GDA: variants seen among roughly 807,000 people sequenced by gnomAD.
GDA encodes cytoplasmic PSD-95 interactor.
A neutral mutation model predicts 59.6 loss-of-function variants in GDA; 18 were observed. The observed-to-expected ratio is 0.30, with a 90% confidence interval of 0.21 to 0.45. The LOEUF (loss-of-function observed/expected upper bound fraction) is 0.45, where lower values mean the gene tolerates loss of function less well. GDA is among the 20% of genes least tolerant of loss of function. The pLI is 1.00. For missense variants in GDA, 427 were observed against 552.3 expected, an observed-to-expected ratio of 0.77 and a Z score of 2.27; for synonymous variants, 201 against 201.1, an observed-to-expected ratio of 1.00 and a Z score of 0.00.
At chr9:72,181,170 G>T (rs577050238) in intron 1 of GDA, among the ~76,000 whole-genome samples, 1 of 151,902 alleles carries the variant, frequency 6.6e-6, no homozygotes, top group South Asian at 2.1e-4. Flanking sequence ...TAACTCATTG[G>T]GTAAAGAAAG....
At chr9:72,177,567 AT>A (rs748802753) in intron 1 of GDA, among the ~76,000 whole-genome samples, 1 of 152,168 alleles carries the variant, frequency 6.6e-6, no homozygotes, top group Non-Finnish European at 1.5e-5. Flanking sequence ...GAGGATTAAA[AT>A]ACTTTTGCAA....
intron 6 of GDA, among the ~76,000 whole-genome samples, chr9:72,220,504 T>C (rs1232977505): frequency 2.6e-5 from 4 of 152,192 alleles, no homozygotes; most frequent in Non-Finnish European, 5.9e-5. Flanking sequence ...TTAAGTTCAC[T>C]AAGCTTTTAG....
chr9:72,179,490 T>G (rs1830921844), intron 1 of GDA, among the ~76,000 whole-genome samples: 1 of 152,202 alleles, frequency 6.6e-6, no homozygotes, highest in Non-Finnish European at 1.5e-5. Flanking sequence ...AGAATCTTGA[T>G]CCTTCAGTAA....
chr9:72,247,470 A>G (rs1294853210), intron 13 of GDA, 37 bp downstream of exon 13: 1 of 1,126,642 alleles, frequency 8.9e-7, no homozygotes, highest in South Asian at 1.3e-5. Flanking sequence ...AATATTAAAT[A>G]GAACCTTTCC....
chr9:72,244,295 A>G (rs937499418), intron 11 of GDA, among the ~76,000 whole-genome samples: 1 of 152,172 alleles, frequency 6.6e-6, no homozygotes, highest in African/African-American at 2.4e-5. Context: ...GCTTTAAGGA[A>G]CTTTAGAGCC....
At chr9:72,223,693 T>C (rs1837193725) in intron 7 of GDA, among the ~76,000 whole-genome samples, 1 of 152,250 alleles carries the variant, frequency 6.6e-6, no homozygotes, top group African/African-American at 2.4e-5. Flanking sequence ...ATCCCTTTTG[T>C]TCTGAGTTTC....
At chr9:72,146,260 G>T (rs1826629635), upstream of GDA, among the ~76,000 whole-genome samples, 1 of 152,084 alleles carries the variant, frequency 6.6e-6, no homozygotes, top group Non-Finnish European at 1.5e-5. Flanking sequence ...GGAGAGTGGA[G>T]GTAGCCAAGC....
In GDA at chr9:72,250,571, A is replaced by G; in HGVS notation, c.*2229A>G. 1 of 1,471,856 alleles carries G rather than the reference A, an allele frequency of 6.8e-7. No homozygotes were observed. Among genetic ancestry groups the G allele is most frequent in the Non-Finnish European group, 8.9e-7 (1 of 1,118,902 alleles). The allele number at this position is 1,471,856 out of a possible 1,614,324, so 91.2% of individuals were successfully genotyped here. On this transcript the variant is annotated 3_prime_UTR_variant, in exon 14 of 14. Transcript: ENST00000358399. ...TATTTCTCCAAGTGCGGTGTTCCTGAATGTTATGTATGCTTTTTTTTCTGT... is the reference window on the plus strand; with the variant it reads ...TATTTCTCCAAGTGCGGTGTTCCTGGATGTTATGTATGCTTTTTTTTCTGT...
At chr9:72,127,636 CAA>C (rs369132489) in intron 1 of GDA, among the ~76,000 whole-genome samples, 162 of 120,808 alleles carry the variant, frequency 1.3e-3, no homozygotes, top group Admixed American at 1.8e-3. Context: ...GACTCTGTCT[CAA>C]AAAAAAAAAA....
At chr9:72,230,983 G>A in intron 9 of GDA, 131 bp from the exon 10 acceptor site, 4 of 700,482 alleles carry the variant, frequency 5.7e-6, no homozygotes, top group Non-Finnish European at 7.9e-6. Context: ...TGACTAATAT[G>A]TTTGTGTCAA....
intron 1 of GDA, among the ~76,000 whole-genome samples, chr9:72,127,482 CA>C (rs2130600758): frequency 6.6e-6 from 1 of 151,838 alleles, no homozygotes; most frequent in South Asian, 2.1e-4. Flanking sequence ...ACTAAAAAGA[CA>C]AAAATTAGTT....
chr9:72,120,019 A>G (rs1825607996), intron 1 of GDA, among the ~76,000 whole-genome samples: 1 of 152,198 alleles, frequency 6.6e-6, no homozygotes, highest in Non-Finnish European at 1.5e-5. Context: ...TTAACCTTGT[A>G]TAGCCCATAA....
At chr9:72,127,775 A>G (rs1199826217) in intron 1 of GDA, among the ~76,000 whole-genome samples, 1 of 152,194 alleles carries the variant, frequency 6.6e-6, no homozygotes, top group Non-Finnish European at 1.5e-5. Context: ...GTGAGGATCA[A>G]ATGAAATAAT....
chr9:72,211,885 CA>C (rs1260087705), intron 4 of GDA, among the ~76,000 whole-genome samples: 1 of 151,968 alleles, frequency 6.6e-6, no homozygotes, highest in African/African-American at 2.4e-5. Flanking sequence ...ACCAAAGACT[CA>C]AAAAAGGTTC....
At position 72,227,938 on chromosome 9, in the gene GDA, T is replaced by G. The variant is rs1564135035; in HGVS notation, c.823-5T>G. 1 of 1,555,178 alleles carries G rather than the reference T, an allele frequency of 6.4e-7. No individual in the cohort carries two copies. The highest frequency in any genetic ancestry group is 8.9e-7 in the Non-Finnish European group (1 of 1,127,836). Reference sequence around the variant, plus strand: ...AAACTCCACGTAGGGCACTCTTCTCTCCAGACAGTGATGGCACACGGCTGC... The same window carrying G: ...AAACTCCACGTAGGGCACTCTTCTCGCCAGACAGTGATGGCACACGGCTGC... On this transcript the variant is annotated splice_region_variant and splice_polypyrimidine_tract_variant and intron_variant, in intron 8 of 13. Coordinates refer to ENST00000358399, the MANE Select transcript of GDA (RefSeq NM_004293.5).
intron 1 of GDA, among the ~76,000 whole-genome samples, chr9:72,116,384 G>T (rs1281057299): frequency 1.8e-5 from 2 of 113,538 alleles, no homozygotes; most frequent in African/African-American, 6.3e-5. Flanking sequence ...AGTTTCCCCA[G>T]CCTTTTTTTT....
At chr9:72,225,570 C>T in intron 7 of GDA, 107 bp from the exon 8 acceptor site, 1 of 629,258 alleles carries the variant, frequency 1.6e-6, no homozygotes, top group South Asian at 2.3e-5. Flanking sequence ...CTATGTGGTC[C>T]CTTAAATAGG....
intron 1 of GDA, among the ~76,000 whole-genome samples, chr9:72,171,232 A>G (rs1489927652): frequency 1.3e-5 from 2 of 152,222 alleles, no homozygotes; most frequent in Non-Finnish European, 1.5e-5. Context: ...TGACCTTGCT[A>G]TAGCAACAAC....
intron 1 of GDA, among the ~76,000 whole-genome samples, chr9:72,132,521 T>C (rs987451206): frequency 6.6e-6 from 1 of 152,184 alleles, no homozygotes; most frequent in African/African-American, 2.4e-5. Context: ...ATGTCTTCTG[T>C]CCTGCCCAAT....
Sources: allele counts gnomAD v4.1 joint callset (sites outside exome capture counted in the v4.1 genomes callset), GRCh38; gene constraint gnomAD v4.1.1; transcripts MANE v1.5; gene names NCBI Gene and HGNC (gene_info 2026-07-23, HGNC 2026-07-21).